The following TEAD1 variants were observed in gnomAD, a reference collection of about 807,000 sequenced individuals.
TEAD1 encodes TEA domain transcription factor 1.
TEAD1 carries 9 observed loss-of-function variants against 54.9 expected under a neutral mutation model. The ratio of observed to expected loss-of-function variants is 0.16; its 90% CI spans 0.10 to 0.29. The LOEUF is 0.29. Among genes scored for constraint, TEAD1 ranks in the 10% least tolerant of loss-of-function variants. The pLI is 1.00. For missense variants in TEAD1, 387 were observed against 535.9 expected (o/e 0.72, Z 2.74); for synonymous variants, 200 against 187.8 (o/e 1.07, Z -0.53).
At chr11:12,767,993 A>G (rs1290590092) in intron 3 of TEAD1, among the ~76,000 whole-genome samples, 1 of 152,210 alleles carries the variant, frequency 6.6e-6, no homozygotes, top group African/African-American at 2.4e-5. Context: ...AGCAGGCTGT[A>G]GTTTAAAACA....
chr11:12,842,022 C>T (rs1381604596), intron 3 of TEAD1, among the ~76,000 whole-genome samples: 1 of 152,132 alleles, frequency 6.6e-6, no homozygotes, highest in African/African-American at 2.4e-5. Context: ...AATTCTGAAT[C>T]AAGCTTACCC....
intron 3 of TEAD1, among the ~76,000 whole-genome samples, chr11:12,809,971 A>G (rs902319909): frequency 2.5e-4 from 21 of 84,782 alleles, no homozygotes; most frequent in African/African-American, 8.3e-4. Flanking sequence ...CTCTTTCCCC[A>G]TTCTTTTTTT....
At chr11:12,837,117 C>G (rs1946908778) in intron 3 of TEAD1, among the ~76,000 whole-genome samples, 3 of 152,158 alleles carry the variant, frequency 2.0e-5, no homozygotes, top group Admixed American at 6.5e-5. Flanking sequence ...TTGAAATTAA[C>G]TACTTATAAT....
In TEAD1 at chr11:12,853,518, A is replaced by G. The variant is rs193025592; in HGVS notation, c.203-8732A>G. Among the ~76,000 whole-genome samples, 510 of 152,340 alleles carry G rather than the reference A, an allele frequency of 3.3e-3. 11 individuals are homozygous for G. Among genetic ancestry groups the G allele is most frequent in the Middle Eastern group, 0.01 (3 of 294 alleles). On this transcript the variant is annotated intron_variant, in intron 3 of 12. Coordinates refer to ENST00000527636, the MANE Select transcript of TEAD1 (RefSeq NM_021961.6). ...TAAGGCTAGTCAAACTACTCATTAG[A>G]GGATTAAGAAAGTGATTATGTGGCG...
chr11:12,831,416 C>T (rs1215501249), intron 3 of TEAD1, among the ~76,000 whole-genome samples: 1 of 152,168 alleles, frequency 6.6e-6, no homozygotes, highest in African/African-American at 2.4e-5. Flanking sequence ...CCCCAAACTC[C>T]TTGAGGGCAG....
At chr11:12,926,214 TTTC>T (rs1948900731) in intron 11 of TEAD1, among the ~76,000 whole-genome samples, 1 of 152,176 alleles carries the variant, frequency 6.6e-6, no homozygotes. Context: ...GAAGGATATA[TTTC>T]TTAAGACCCT....
rs768600290 is a variant in TEAD1, at chr11:12,937,273, G to GCA, written c.*61_*62dup. 28 of 1,300,198 alleles carry GCA rather than the reference G, an allele frequency of 2.2e-5. No homozygotes were observed. The East Asian group carries it at 4.2e-4, about 19-fold the overall frequency. The allele number at this position is 1,300,198 out of a possible 1,614,324, so 80.5% of individuals were successfully genotyped here. A position where few individuals can be genotyped will look rare whatever the true frequency, so the allele number is the denominator to read the frequency against. On this transcript the variant is annotated 3_prime_UTR_variant, in exon 13 of 13. Coordinates refer to ENST00000527636, the MANE Select transcript of TEAD1 (RefSeq NM_021961.6). ...TCTGTATATACACACACACATATGT[G>GCA]CACACACACACTCTCTCTCCATTAT...
chr11:12,819,913 G>A (rs1007736800), intron 3 of TEAD1, among the ~76,000 whole-genome samples: 29 of 152,194 alleles, frequency 1.9e-4, no homozygotes, highest in Non-Finnish European at 1.6e-4. Flanking sequence ...CCCCGATTGT[G>A]AGTCAGCTCT....
chr11:12,887,199 C>T (rs1172406453), intron 9 of TEAD1, among the ~76,000 whole-genome samples: 1 of 151,368 alleles, frequency 6.6e-6, no homozygotes, highest in Non-Finnish European at 1.5e-5. Context: ...CAGGTTCACT[C>T]CATTCTCCTG....
rs58816369 is a variant in TEAD1 at position 12,820,640 on chromosome 11, G to A, written c.203-41610G>A. ...GAGGAAATGCGATTATACAAAAAAC[G>A]TAGAATACAAAGTAGTGCTTATTCT... On this transcript the variant is annotated intron_variant, in intron 3 of 12. Coordinates refer to ENST00000527636, the MANE Select transcript of TEAD1 (RefSeq NM_021961.6). 3.8e-3 allele frequency among the ~76,000 whole-genome samples: 577 copies of A among 152,268 alleles called. 4 individuals are homozygous for A. Among genetic ancestry groups the A allele is most frequent in the African/African-American group, 0.012 (508 of 41,560 alleles).
intron 2 of TEAD1, among the ~76,000 whole-genome samples, chr11:12,702,834 T>C (rs977841719): frequency 3.9e-5 from 6 of 152,200 alleles, no homozygotes; most frequent in African/African-American, 1.4e-4. Context: ...TGCACTTACA[T>C]AGCCATTCTT....
rs1034297614 is a variant in TEAD1, at chr11:12,880,311, A to G, written c.465+469A>G. On this transcript the variant is annotated intron_variant, in intron 6 of 12. Transcript: ENST00000527636. ...AAAGGCTGAGAAGCATTATGTTATA[A>G]TCTCAATCCTCCAGGTAATCTTAAA... 2.6e-5 allele frequency among the ~76,000 whole-genome samples: 4 copies of G among 152,356 alleles called. No individual in the cohort carries two copies. The South Asian group carries it at 8.3e-4, about 32-fold the overall frequency.
At chr11:12,858,921 C>T (rs1947444606) in intron 3 of TEAD1, among the ~76,000 whole-genome samples, 1 of 152,206 alleles carries the variant, frequency 6.6e-6, no homozygotes, top group Non-Finnish European at 1.5e-5. Context: ...GGCTGCAAAC[C>T]TGTCTGGTGT....
At chr11:12,922,600 G>A (rs1948830709) in intron 10 of TEAD1, 1 of 152,098 alleles carries the variant, frequency 6.6e-6, no homozygotes, top group African/African-American at 2.4e-5. Context: ...TTAGTGGTTA[G>A]TGCCTGTCAA....
intron 2 of TEAD1, among the ~76,000 whole-genome samples, chr11:12,757,357 A>G (rs550148193): frequency 6.6e-6 from 1 of 152,254 alleles, no homozygotes. Context: ...TTTCTTCTCC[A>G]GTCATCAAAA....
intron 3 of TEAD1, among the ~76,000 whole-genome samples, chr11:12,812,720 A>G (rs1469546848): frequency 6.6e-6 from 1 of 152,212 alleles, no homozygotes; most frequent in Non-Finnish European, 1.5e-5. Context: ...GTACATGTGA[A>G]TCCACTACAT....
rs1488546957 is a variant in TEAD1, at chr11:12,940,586, T to G, written c.*3364T>G. ...CTTCTGTTTCACAACAATTTCTCTC[T>G]CGCTACAAGTATTCTTTCACTCAGC... On this transcript the variant is annotated 3_prime_UTR_variant, in exon 13 of 13. Transcript: ENST00000527636. 1 of 152,256 alleles carries G rather than the reference T, an allele frequency of 6.6e-6. No homozygotes were observed. Among genetic ancestry groups the G allele is most frequent in the Admixed American group, 6.5e-5 (1 of 15,286 alleles). 9.4% of individuals were successfully genotyped at this position (152,256 alleles called of 1,614,324 possible).
intron 3 of TEAD1, among the ~76,000 whole-genome samples, chr11:12,781,003 C>T (rs948987240): frequency 6.6e-6 from 1 of 152,220 alleles, no homozygotes; most frequent in Non-Finnish European, 1.5e-5. Flanking sequence ...ATAAATTAGA[C>T]ATATCATCAA....
chr11:12,719,791 T>TA (rs113647592), intron 2 of TEAD1, among the ~76,000 whole-genome samples: 2 of 151,642 alleles, frequency 1.3e-5, no homozygotes, highest in Admixed American at 6.6e-5. Context: ...AGCTAATAGC[T>TA]AAAAAAACTC....
Sources: gnomAD v4.1 joint callset for allele counts (sites outside exome capture counted in the v4.1 genomes callset) on GRCh38, gnomAD v4.1.1 for gene constraint, MANE v1.5 for transcripts, NCBI Gene and HGNC (gene_info 2026-07-23, HGNC 2026-07-21) for gene names.